CUL4A: variants seen among roughly 807,000 people sequenced by gnomAD.
The protein encoded by CUL4A is cullin-4A.
CUL4A carries 16 observed loss-of-function variants against 95.5 expected under a neutral mutation model. That is an observed-to-expected ratio of 0.17 (90% CI 0.11 to 0.25). The LOEUF is 0.25. Among genes scored for constraint, CUL4A ranks in the 10% least tolerant of loss-of-function variants. The pLI is 1.00. For missense variants in CUL4A, 610 were observed against 937.0 expected (o/e 0.65, Z 4.56); for synonymous variants, 380 against 353.1 (o/e 1.08, Z -0.85).
At chr13:113,226,810 C>G (rs2041120818) in intron 3 of CUL4A, among the ~76,000 whole-genome samples, 1 of 152,138 alleles carries the variant, frequency 6.6e-6, no homozygotes, top group Non-Finnish European at 1.5e-5. Flanking sequence ...TACTTAAGAC[C>G]ACGTGTTCAA....
chr13:113,242,734 C>T (rs1025017349), intron 10 of CUL4A, among the ~76,000 whole-genome samples: 4 of 152,212 alleles, frequency 2.6e-5, no homozygotes, highest in African/African-American at 4.8e-5. Flanking sequence ...TGCAGTGAAC[C>T]GTGATTGCAC....
At chr13:113,254,662 T>C (rs762925128) in intron 16 of CUL4A, 31 bp from the exon 17 acceptor site, 2 of 1,397,518 alleles carry the variant, frequency 1.4e-6, no homozygotes, top group Non-Finnish European at 2.0e-6. Context: ...CATGCACAGC[T>C]TCAGAGGTGT....
intron 3 of CUL4A, chr13:113,219,306 G>C (rs1422316656): frequency 2.7e-6 from 1 of 365,732 alleles, no homozygotes; most frequent in East Asian, 5.3e-5. Context: ...TCAAGTTTGA[G>C]TATCCTTTAT....
At chr13:113,250,418 CT>C (rs1309995655) in intron 15 of CUL4A, among the ~76,000 whole-genome samples, 1 of 152,166 alleles carries the variant, frequency 6.6e-6, no homozygotes, top group East Asian at 1.9e-4. Context: ...AGCCGCTGTA[CT>C]CCATCCTGGG....
upstream of CUL4A, chr13:113,208,672 C>G (rs1216206170): frequency 1.3e-6 from 2 of 1,589,442 alleles, no homozygotes; most frequent in Non-Finnish European, 1.7e-6. Flanking sequence ...CCCCCTACGC[C>G]TCAAGCGGGC....
intron 3 of CUL4A, among the ~76,000 whole-genome samples, chr13:113,226,914 C>T (rs12584008): frequency 0.21 from 31,180 of 149,216 alleles, 3,852 homozygotes; most frequent in East Asian, 0.45. Context: ...TCTCCAGGAG[C>T]CCCCCTGTGG....
At position 113,263,665 on chromosome 13, in the gene CUL4A, C is replaced by A; in HGVS notation, c.*83C>A. 1.2e-6 allele frequency: 1 copy of A among 852,548 alleles called. No individual in the cohort carries two copies. Among genetic ancestry groups the A allele is most frequent in the South Asian group, 1.9e-5 (1 of 53,570 alleles). 52.8% of individuals were successfully genotyped at this position (852,548 alleles called of 1,614,324 possible). A position where few individuals can be genotyped will look rare whatever the true frequency, so the allele number is the denominator to read the frequency against. On this transcript the variant is annotated 3_prime_UTR_variant, in exon 20 of 20. Transcript: ENST00000375440. ...GCACACCTGTGCCATTTCTGGGACTCTGATTGATCCAGCTGTGGACATTGG... is the reference window on the plus strand; with the variant it reads ...GCACACCTGTGCCATTTCTGGGACTATGATTGATCCAGCTGTGGACATTGG...
chr13:113,253,837 G>A (rs1051350467), intron 16 of CUL4A, among the ~76,000 whole-genome samples: 2 of 152,098 alleles, frequency 1.3e-5, no homozygotes, highest in Non-Finnish European at 2.9e-5. Context: ...TTATGAAACG[G>A]CAATTATATA....
chr13:113,208,219 A>G, upstream of CUL4A: 5 of 1,521,536 alleles, frequency 3.3e-6, no homozygotes, highest in Non-Finnish European at 4.4e-6. Flanking sequence ...GCTGGGAAAC[A>G]GCGTCCATCC....
intron 9 of CUL4A, among the ~76,000 whole-genome samples, chr13:113,237,534 A>T (rs1461534320): frequency 1.3e-5 from 2 of 152,116 alleles, no homozygotes; most frequent in African/African-American, 4.8e-5. Context: ...ATCTTTGTTT[A>T]TTGCTGTTTT....
chr13:113,210,765 AATTATTTCT>A (rs1226973153), intron 2 of CUL4A, among the ~76,000 whole-genome samples: 1 of 151,214 alleles, frequency 6.6e-6, no homozygotes, highest in Non-Finnish European at 1.5e-5. Flanking sequence ...TGTGTCATAC[AATTATTTCT>A]ATTAAAAGGC....
chr13:113,223,965 G>C (rs1028023040), intron 3 of CUL4A, among the ~76,000 whole-genome samples: 2 of 152,130 alleles, frequency 1.3e-5, no homozygotes, highest in Non-Finnish European at 2.9e-5. Flanking sequence ...TCATACACAT[G>C]CTCAGCCACA....
intron 15 of CUL4A, 56 bp downstream of exon 15, chr13:113,246,119 A>G (rs2041850560): frequency 3.8e-6 from 5 of 1,301,942 alleles, no homozygotes; most frequent in Middle Eastern, 2.2e-4. Context: ...TACCAGGCAC[A>G]GATATGTTGC....
upstream of CUL4A, chr13:113,208,730 C>G (rs2040166292): frequency 6.7e-7 from 1 of 1,492,236 alleles, no homozygotes; most frequent in Non-Finnish European, 9.0e-7. Context: ...CCTGGCGCCC[C>G]CGGCCCCGCC....
chr13:113,245,977 T>C lies in CUL4A; in HGVS notation c.1552T>C (p.Ser518Pro), dbSNP rs1341775054. 1.2e-6 allele frequency: 2 copies of C among 1,613,746 alleles called. No homozygotes were observed. Among genetic ancestry groups the C allele is most frequent in the South Asian group, 1.1e-5 (1 of 91,042 alleles). ...FKQHMQNQSDSGPIDLTVNIL... is the reference protein window; with the variant it reads ...FKQHMQNQSDPGPIDLTVNIL... The stretch of plus-strand genomic sequence containing the variant: ...TTAGCATATGCAGAATCAGAGTGAC[T>C]CAGGCCCTATAGACCTCACAGTGAA... The change falls in exon 15 of 20, where the codon TCA (serine) becomes CCA (proline). Residue 518 changes from serine (S) to proline (P), a missense_variant. Transcript: ENST00000375440.
chr13:113,250,322 T>C (rs11619691), intron 15 of CUL4A, among the ~76,000 whole-genome samples: 31,307 of 152,074 alleles, frequency 0.21, 3,869 homozygotes, highest in South Asian at 0.42. Flanking sequence ...TGTCGTGGTG[T>C]CTGCCTACAG....
Position 113,210,102 on chromosome 13 carries a change from C to T in CUL4A, c.264+14C>T, listed in dbSNP as rs750486043. On this transcript the variant is annotated intron_variant, in intron 2 of 19. Transcript: ENST00000375440. ...GAGCTCTACCAGGTGAGGCGGCGGCCGGGGCTGGGGACGCCGCTCCTGCCC... is the reference window on the plus strand; with the variant it reads ...GAGCTCTACCAGGTGAGGCGGCGGCTGGGGCTGGGGACGCCGCTCCTGCCC... The T allele has an allele frequency of 4.7e-6, 7 of 1,481,848 alleles. No homozygotes were observed. The highest frequency in any genetic ancestry group is 1.9e-4 in the Middle Eastern group (1 of 5,148). 91.8% of individuals were successfully genotyped at this position (1,481,848 alleles called of 1,614,324 possible). A position where few individuals can be genotyped will look rare whatever the true frequency, so the allele number is the denominator to read the frequency against.
intron 2 of CUL4A, among the ~76,000 whole-genome samples, chr13:113,211,753 C>A (rs1016186984): frequency 2.0e-5 from 3 of 152,184 alleles, no homozygotes; most frequent in Non-Finnish European, 4.4e-5. Flanking sequence ...TATATTCTTA[C>A]TCCTCTCAGG....
At chr13:113,208,308 C>A (rs2040095638), upstream of CUL4A, 1 of 1,432,026 alleles carries the variant, frequency 7.0e-7, no homozygotes. Context: ...CCACACGTGC[C>A]AGCAAGTGAG....
Sources: gnomAD v4.1 joint callset for allele counts (sites outside exome capture counted in the v4.1 genomes callset) on GRCh38, gnomAD v4.1.1 for gene constraint, MANE v1.5 for transcripts, NCBI Gene and HGNC (gene_info 2026-07-23, HGNC 2026-07-21) for gene names.